The following MARCHF1 variants were observed in gnomAD, a reference collection of about 807,000 sequenced individuals.
MARCHF1 encodes the protein E3 ubiquitin-protein ligase MARCHF1.
Under a neutral mutation model 54.2 loss-of-function variants are expected in MARCHF1, and 40 were observed. The observed-to-expected ratio is 0.74, with a 90% confidence interval of 0.57 to 0.96. The LOEUF (loss-of-function observed/expected upper bound fraction) is 0.96. Ranked by LOEUF, MARCHF1 falls within the 40% of genes least tolerant of loss-of-function variation. The probability of loss-of-function intolerance (pLI) is 0.00; values close to 1 mark genes in which losing one functional copy is unlikely to be tolerated. For missense variants in MARCHF1, 586 were observed against 656.5 expected (o/e 0.89, Z 1.17); for synonymous variants, 236 against 236.3 (o/e 1.00, Z 0.01).
chr4:163,600,750 G>T (rs1740937372), intron 7 of MARCHF1, among the ~76,000 whole-genome samples: 1 of 152,108 alleles, frequency 6.6e-6, no homozygotes, highest in African/African-American at 2.4e-5. Flanking sequence ...GGCCTCAGAG[G>T]GTCCAAATAA....
rs185224674 is a variant in MARCHF1, at chr4:164,114,223, T to C, written c.-322-2561A>G. Among the ~76,000 whole-genome samples, 1,032 of 152,134 alleles carry C rather than the reference T, an allele frequency of 6.8e-3. 12 individuals carry two copies. Among genetic ancestry groups the C allele is most frequent in the African/African-American group, 0.024 (990 of 41,568 alleles). ...AATGATTAACCAATCAACTAATCTA[T>C]TGTTATATGTATGTATACATATATG... is the stretch of plus-strand genomic sequence containing the variant. On this transcript the variant is annotated intron_variant, in intron 1 of 9. Coordinates refer to ENST00000514618, the MANE Select transcript of MARCHF1 (RefSeq NM_001394959.1).
chr4:164,061,834 T>C (rs1327162779), intron 2 of MARCHF1, among the ~76,000 whole-genome samples: 2 of 152,234 alleles, frequency 1.3e-5, no homozygotes, highest in African/African-American at 4.8e-5. Flanking sequence ...TTTTTGCTGG[T>C]GGACAATCTA....
At chr4:163,605,066 A>C (rs1560969235) in intron 7 of MARCHF1, among the ~76,000 whole-genome samples, 1 of 152,092 alleles carries the variant, frequency 6.6e-6, no homozygotes, top group Non-Finnish European at 1.5e-5. Context: ...CAAATTCAAA[A>C]ATAAATAGTT....
rs115007999 is a variant in MARCHF1 at position 163,537,500 on chromosome 4, G to C, written c.1339+8096C>G. Among the ~76,000 whole-genome samples the C allele has an allele frequency of 8.8e-3, 1,336 of 152,256 alleles. 10 individuals are homozygous for C. The highest frequency in any genetic ancestry group is 0.015 in the Non-Finnish European group (1,044 of 68,012). On this transcript the variant is annotated intron_variant, in intron 9 of 9. Coordinates refer to ENST00000514618, the MANE Select transcript of MARCHF1 (RefSeq NM_001394959.1). The stretch of plus-strand genomic sequence containing the variant: ...TGTTTCTATTTGCCGATTTCGCAGA[G>C]GAATTTGGAAAATCTAACTTAGGCA...
At chr4:163,988,960 A>G (rs1752920638) in intron 2 of MARCHF1, 1 of 152,108 alleles carries the variant, frequency 6.6e-6, no homozygotes, top group Non-Finnish European at 1.5e-5. Context: ...AATAACTGTC[A>G]TGGAAACCAA....
At chr4:163,580,056 T>A (rs981482095) in intron 8 of MARCHF1, among the ~76,000 whole-genome samples, 11 of 142,266 alleles carry the variant, frequency 7.7e-5, no homozygotes, top group African/African-American at 3.0e-4. Context: ...TTGTAGAGCC[T>A]TATTTATTAT....
intron 1 of MARCHF1, among the ~76,000 whole-genome samples, chr4:164,304,089 T>C (rs1734635317): frequency 6.6e-6 from 1 of 152,172 alleles, no homozygotes; most frequent in Admixed American, 6.5e-5. Context: ...TCCTTAAAGA[T>C]TGGAAGATTG....
At chr4:163,891,954 A>C (rs1750670095) in intron 3 of MARCHF1, among the ~76,000 whole-genome samples, 3 of 152,200 alleles carry the variant, frequency 2.0e-5, no homozygotes, top group Non-Finnish European at 4.4e-5. Flanking sequence ...ATGTGGCATT[A>C]ACTTGTTCCT....
intron 3 of MARCHF1, among the ~76,000 whole-genome samples, chr4:163,951,651 G>GT (rs1413250390): frequency 2.6e-5 from 4 of 152,166 alleles, no homozygotes; most frequent in African/African-American, 7.2e-5. Context: ...ATTGTCAAAG[G>GT]TAAGTGCTGT....
intron 5 of MARCHF1, among the ~76,000 whole-genome samples, chr4:163,688,740 T>C (rs2111189521): frequency 6.6e-6 from 1 of 152,260 alleles, no homozygotes; most frequent in Middle Eastern, 3.4e-3. Flanking sequence ...GTAGAGAGCA[T>C]TCATTCCTCT....
At chr4:163,645,144 G>A (rs1167278577) in intron 5 of MARCHF1, among the ~76,000 whole-genome samples, 1 of 152,100 alleles carries the variant, frequency 6.6e-6, no homozygotes, top group Non-Finnish European at 1.5e-5. Flanking sequence ...ACTCAAAAGT[G>A]GACCCTCATC....
chr4:163,815,178 T>G (rs2111026824), intron 4 of MARCHF1, among the ~76,000 whole-genome samples: 1 of 152,326 alleles, frequency 6.6e-6, no homozygotes, highest in African/African-American at 2.4e-5. Flanking sequence ...ACTTTTATCA[T>G]AACATGTCCT....
At chr4:164,023,396 T>C (rs1458838500) in intron 2 of MARCHF1, among the ~76,000 whole-genome samples, 1 of 152,116 alleles carries the variant, frequency 6.6e-6, no homozygotes, top group African/African-American at 2.4e-5. Flanking sequence ...CTAAAGGAAG[T>C]AAGACCCCCT....
chr4:164,015,652 G>T (rs1753523771), intron 2 of MARCHF1, among the ~76,000 whole-genome samples: 1 of 151,390 alleles, frequency 6.6e-6, no homozygotes, highest in Admixed American at 6.6e-5. Flanking sequence ...ATGGACAAAA[G>T]ATCTGAAAAG....
intron 4 of MARCHF1, among the ~76,000 whole-genome samples, chr4:163,759,627 G>A (rs1561062296): frequency 6.6e-6 from 1 of 152,174 alleles, no homozygotes; most frequent in Non-Finnish European, 1.5e-5. Flanking sequence ...GAGCTGAAAT[G>A]AACTTGGCAT....
intron 4 of MARCHF1, among the ~76,000 whole-genome samples, chr4:163,829,888 T>C (rs984369720): frequency 1.3e-5 from 2 of 152,190 alleles, no homozygotes; most frequent in Non-Finnish European, 2.9e-5. Flanking sequence ...GCAGACAGGT[T>C]AATAACTTGG....
chr4:164,262,357 G>A (rs1428314408), intron 1 of MARCHF1, among the ~76,000 whole-genome samples: 1 of 152,052 alleles, frequency 6.6e-6, no homozygotes, highest in African/African-American at 2.4e-5. Flanking sequence ...GGCTCACTTT[G>A]CATGTTTAAG....
intron 1 of MARCHF1, among the ~76,000 whole-genome samples, chr4:164,142,922 G>GA: frequency 6.6e-6 from 1 of 151,954 alleles, no homozygotes; most frequent in Non-Finnish European, 1.5e-5. Flanking sequence ...TGAAAACTTT[G>GA]AAAAAAATTT....
chr4:163,975,184 TCTCTCTCTCTCTCA>T (rs1168235139), intron 3 of MARCHF1, among the ~76,000 whole-genome samples: 12 of 134,842 alleles, frequency 8.9e-5, no homozygotes, highest in African/African-American at 3.8e-4. Flanking sequence ...TCTCTCTCTC[TCTCTCTCTCTCTCA>T]CACACACACA....
Sources: gnomAD v4.1 joint callset for allele counts (sites outside exome capture counted in the v4.1 genomes callset) on GRCh38, gnomAD v4.1.1 for gene constraint, MANE v1.5 for transcripts, NCBI Gene and HGNC (gene_info 2026-07-23, HGNC 2026-07-21) for gene names.